Variants in TMEM182 observed in about 807,000 individuals in gnomAD.
TMEM182 encodes transmembrane protein 182.
In TMEM182, 20 loss-of-function variants were observed where a neutral mutation model predicts 26.8. The ratio of observed to expected loss-of-function variants is 0.75; its 90% CI spans 0.53 to 1.09. The LOEUF (loss-of-function observed/expected upper bound fraction) is 1.09. Ranked by LOEUF, TMEM182 falls within the 50% of genes least tolerant of loss-of-function variation. TMEM182 has a pLI of 0.00. For missense variants in TMEM182, 277 were observed against 275.5 expected (o/e 1.01, Z -0.04); for synonymous variants, 109 against 102.2 (o/e 1.07, Z -0.40).
chr2:102,843,206 T>A (rs774239831), intron 3 of TMEM182, among the ~76,000 whole-genome samples: 3 of 152,160 alleles, frequency 2.0e-5, no homozygotes, highest in Non-Finnish European at 4.4e-5. Flanking sequence ...GTAAGTTGTC[T>A]CTTTTTCTCC....
intron 1 of TMEM182, among the ~76,000 whole-genome samples, chr2:102,748,447 C>A (rs1030030888): frequency 6.6e-6 from 1 of 152,124 alleles, no homozygotes; most frequent in African/African-American, 2.4e-5. Context: ...TAGACATACT[C>A]GGGTTAGAAT....
chr2:102,781,872 T>C (rs1332278020), intron 3 of TMEM182, among the ~76,000 whole-genome samples: 5 of 152,186 alleles, frequency 3.3e-5, no homozygotes, highest in Admixed American at 1.3e-4. Flanking sequence ...TTAGTACTGC[T>C]TGGACTCCAG....
intron 4 of TMEM182, among the ~76,000 whole-genome samples, chr2:102,798,486 C>T (rs1035050555): frequency 1.3e-5 from 2 of 152,190 alleles, no homozygotes; most frequent in African/African-American, 2.4e-5. Flanking sequence ...TAAGCATACA[C>T]TCATGATTTA....
chr2:102,820,051 A>T (rs1240781178), downstream of TMEM182, among the ~76,000 whole-genome samples: 1 of 152,130 alleles, frequency 6.6e-6, no homozygotes, highest in Non-Finnish European at 1.5e-5. Context: ...GGGCAAAATG[A>T]TTTCTTTCTA....
In TMEM182 at chr2:102,736,997, G is replaced by A. The variant is rs563844043; in HGVS notation, c.-99G>A. 11 of 613,596 alleles carry A rather than the reference G, an allele frequency of 1.8e-5. No homozygotes were observed. In the African/African-American group the frequency reaches 1.9e-4, roughly 11 times the overall value. 38.0% of individuals were successfully genotyped at this position (613,596 alleles called of 1,614,324 possible). ...CTGGTCTCAGGCAAGGTGGGGACTG[G>A]GCACATCATCAATACGGTAAGCACA... On this transcript the variant is annotated 5_prime_UTR_variant, in exon 1 of 6. Coordinates refer to the TMEM182 transcript ENST00000409173.
intron 4 of TMEM182, among the ~76,000 whole-genome samples, chr2:102,808,612 G>A (rs899009807): frequency 1.3e-5 from 2 of 152,112 alleles, no homozygotes; most frequent in East Asian, 3.8e-4. Flanking sequence ...AAAATTTCAT[G>A]TATGAGTTAG....
chr2:102,814,961 A>T lies in TMEM182; in HGVS notation c.683A>T (p.His228Leu). 6.2e-7 allele frequency: 1 copy of T among 1,613,744 alleles called. No individual in the cohort carries two copies. Among genetic ancestry groups the T allele is most frequent in the South Asian group, 1.1e-5 (1 of 91,010 alleles). The change falls in exon 5 of 5, where the codon CAT becomes CTT. Residue 228 changes from histidine to leucine, a missense_variant. Coordinates refer to ENST00000412401, the MANE Select transcript of TMEM182 (RefSeq NM_144632.5). ...GTTGTTGGATGGCATATTCAGATAC[A>T]TCACTAAATCAACTGTTGCCACAAG... ...FLVVGWHIQI[H>L]H
intron 3 of TMEM182, among the ~76,000 whole-genome samples, chr2:102,778,442 T>A (rs573348953): frequency 8.5e-5 from 13 of 152,220 alleles, no homozygotes; most frequent in South Asian, 4.1e-4. Context: ...GTGATTTTTT[T>A]ATAAAAATCT....
intron 3 of TMEM182, among the ~76,000 whole-genome samples, chr2:102,839,756 G>T (rs1683313305): frequency 6.6e-6 from 1 of 152,044 alleles, no homozygotes; most frequent in South Asian, 2.1e-4. Flanking sequence ...GCAGAAATAC[G>T]TGTTTGTTAT....
chr2:102,738,809 TG>T (rs1333794230), intron 1 of TMEM182, among the ~76,000 whole-genome samples: 2 of 152,156 alleles, frequency 1.3e-5, no homozygotes, highest in Non-Finnish European at 2.9e-5. Context: ...TTTAGTCAGT[TG>T]GTTGAAATTT....
In TMEM182 at chr2:102,812,202, T is replaced by A. The variant is rs1005241207; in HGVS notation, c.470-2546T>A. Among the ~76,000 whole-genome samples the A allele has an allele frequency of 2.6e-5, 4 of 152,226 alleles. No individual in the cohort carries two copies. The East Asian group carries it at 5.8e-4, about 22-fold the overall frequency. ...TGGCAGTCAGAAACATGGCTCCCAT[T>A]GGCCATTCACTTATTTGATCAGTCT... On this transcript the variant is annotated intron_variant, in intron 4 of 4. Transcript: ENST00000412401.
intron 4 of TMEM182, among the ~76,000 whole-genome samples, chr2:102,802,694 A>G (rs532875808): frequency 1.3e-5 from 2 of 152,346 alleles, no homozygotes; most frequent in South Asian, 4.1e-4. Flanking sequence ...AAATTACTGT[A>G]GAGCTGAATA....
In TMEM182 at chr2:102,742,769, A is replaced by G. The variant is rs191258062; in HGVS notation, c.-83+5756A>G. 2.6e-4 allele frequency among the ~76,000 whole-genome samples: 39 copies of G among 152,336 alleles called. No individual in the cohort carries two copies. In the Middle Eastern group the frequency reaches 0.01, roughly 40 times the overall value. ...TACAAGCAAGTAGTGAGATATTTAA[A>G]GTGTTAGTAGAAAAACTCCACCAAC... On this transcript the variant is annotated intron_variant, in intron 1 of 5. Coordinates refer to the TMEM182 transcript ENST00000409173.
chr2:102,750,179 A>G (rs1397561350), intron 1 of TMEM182, among the ~76,000 whole-genome samples: 1 of 152,152 alleles, frequency 6.6e-6, no homozygotes, highest in Non-Finnish European at 1.5e-5. Context: ...TTGAACTCTG[A>G]TGCAGTTGCT....
downstream of TMEM182, among the ~76,000 whole-genome samples, chr2:102,821,525 A>G (rs1029507644): frequency 3.3e-5 from 5 of 152,148 alleles, no homozygotes; most frequent in Non-Finnish European, 7.4e-5. Context: ...AGTTCTCCCT[A>G]GAAGCTGAGC....
At chr2:102,824,249 A>T (rs531882061) in intron 3 of TMEM182, among the ~76,000 whole-genome samples, 36 of 152,324 alleles carry the variant, frequency 2.4e-4, no homozygotes, top group African/African-American at 6.7e-4. Context: ...ACTGATCTTC[A>T]GCATCTTCAC....
upstream of TMEM182, among the ~76,000 whole-genome samples, chr2:102,760,663 G>A (rs1320926845): frequency 1.3e-5 from 2 of 151,842 alleles, no homozygotes; most frequent in Admixed American, 1.3e-4. Context: ...TGCCCAGGCT[G>A]GAGTGCAATG....
chr2:102,806,017 T>A (rs1488518901), intron 4 of TMEM182, among the ~76,000 whole-genome samples: 1 of 152,224 alleles, frequency 6.6e-6, no homozygotes, highest in East Asian at 1.9e-4. Context: ...AATATGTGTC[T>A]CATTACTATC....
chr2:102,802,324 G>C (rs1201683883), intron 4 of TMEM182, among the ~76,000 whole-genome samples: 1 of 152,150 alleles, frequency 6.6e-6, no homozygotes, highest in Non-Finnish European at 1.5e-5. Flanking sequence ...CCCTTTGCTG[G>C]GTCAACAGGC....
Sources: allele counts gnomAD v4.1 joint callset (sites outside exome capture counted in the v4.1 genomes callset), GRCh38; gene constraint gnomAD v4.1.1; transcripts MANE v1.5; gene names NCBI Gene and HGNC (gene_info 2026-07-23, HGNC 2026-07-21).